Variants in DIXDC1 observed in about 807,000 individuals in gnomAD.
The protein encoded by DIXDC1 is dixin.
A neutral mutation model predicts 103.1 loss-of-function variants in DIXDC1; 64 were observed. That is an observed-to-expected ratio of 0.62 (90% CI 0.51 to 0.76). The LOEUF is 0.76. DIXDC1 is among the 30% of genes least tolerant of loss of function. The probability of loss-of-function intolerance (pLI) is 0.00; values close to 1 mark genes in which losing one functional copy is unlikely to be tolerated. For synonymous variants in DIXDC1, 266 were observed against 298.5 expected, an observed-to-expected ratio of 0.89 and a Z score of 1.12; for missense variants, 759 against 834.2, an observed-to-expected ratio of 0.91 and a Z score of 1.11.
rs372475131 is a variant in DIXDC1 at position 111,938,990 on chromosome 11, T to A, written c.60+1431T>A. On this transcript the variant is annotated intron_variant, in intron 1 of 19. Transcript: ENST00000440460. ...ACACAGAAGAGCCGGGAAGCCTACC[T>A]CTGAGTGATTCCAATATTCTGGTTC... Among the ~76,000 whole-genome samples, 23 of 152,360 alleles carry A rather than the reference T, an allele frequency of 1.5e-4. No homozygotes were observed. In the South Asian group the frequency reaches 4.8e-3, roughly 32 times the overall value.
chr11:111,968,242 C>T (rs1271517206), intron 2 of DIXDC1, among the ~76,000 whole-genome samples: 30 of 152,142 alleles, frequency 2.0e-4, no homozygotes, highest in Admixed American at 1.9e-3. Flanking sequence ...GAGTACTTGC[C>T]ACTCAATAGA....
chr11:111,927,882 G>C (rs1294519035), intron 1 of DIXDC1, among the ~76,000 whole-genome samples: 1 of 151,728 alleles, frequency 6.6e-6, no homozygotes, highest in Non-Finnish European at 1.5e-5. Flanking sequence ...CAGGCATGGT[G>C]GCACGGGCCT....
chr11:112,009,910 T>A (rs1338420643), intron 17 of DIXDC1, among the ~76,000 whole-genome samples: 2 of 152,224 alleles, frequency 1.3e-5, no homozygotes, highest in Admixed American at 1.3e-4. Flanking sequence ...AAGACAGGGA[T>A]GCCCTCTCTC....
intron 2 of DIXDC1, among the ~76,000 whole-genome samples, chr11:111,965,367 A>T (rs1182252698): frequency 1.3e-5 from 2 of 152,226 alleles, no homozygotes; most frequent in African/African-American, 4.8e-5. Flanking sequence ...GAGCAGGCAT[A>T]GTATAATGTT....
At chr11:111,930,849 C>T (rs1302779870) in intron 2 of DIXDC1, among the ~76,000 whole-genome samples, 275 of 116,816 alleles carry the variant, frequency 2.4e-3, no homozygotes, top group African/African-American at 8.5e-3. Context: ...TCTTTCTTTC[C>T]TTTTTTTTTT....
At position 112,017,962 on chromosome 11, in the gene DIXDC1, G is replaced by A; in HGVS notation, c.1971+77G>A. ...TGAAGCCTCCTGTTCAAGCACTAGT[G>A]TCCAGAAGTACATGAGTTCCCTGAC... On this transcript the variant is annotated intron_variant, in intron 19 of 19. Transcript: ENST00000440460. The surrounding 1 kb of genome is among the most constrained non-coding windows in gnomAD (Gnocchi z 4.0). The A allele has an allele frequency of 1.7e-6, 2 of 1,183,792 alleles. No homozygotes were observed. The highest frequency in any genetic ancestry group is 1.4e-5 in the South Asian group (1 of 71,526). The allele number at this position is 1,183,792 out of a possible 1,614,324, so 73.3% of individuals were successfully genotyped here.
At chr11:111,968,664 G>A (rs782098073) in intron 3 of DIXDC1, 26 bp downstream of exon 3, 3 of 1,596,828 alleles carry the variant, frequency 1.9e-6, no homozygotes, top group South Asian at 1.1e-5. Context: ...CATCCTTGGT[G>A]CATGAGTATA....
chr11:112,009,989 G>T (rs1257497329), intron 17 of DIXDC1, among the ~76,000 whole-genome samples: 1 of 152,138 alleles, frequency 6.6e-6, no homozygotes, highest in African/African-American at 2.4e-5. Context: ...GAAATAAAGG[G>T]TATTCAATTT....
At chr11:112,010,218 A>C (rs1238851144) in intron 17 of DIXDC1, among the ~76,000 whole-genome samples, 1 of 152,196 alleles carries the variant, frequency 6.6e-6, no homozygotes, top group East Asian at 1.9e-4. Flanking sequence ...TACGAAGAGA[A>C]TAAAATACCT....
At chr11:111,995,810 C>A (rs1441569614) in intron 16 of DIXDC1, among the ~76,000 whole-genome samples, 1 of 152,184 alleles carries the variant, frequency 6.6e-6, no homozygotes, top group Admixed American at 6.5e-5. Flanking sequence ...TGGCTCTTGA[C>A]CCCACAGGGT....
At chr11:111,930,755 T>A (rs587666330) in intron 2 of DIXDC1, among the ~76,000 whole-genome samples, 1 of 152,046 alleles carries the variant, frequency 6.6e-6, no homozygotes, top group South Asian at 2.1e-4. Flanking sequence ...ATCCCAGGAC[T>A]TTGGGAGGCT....
At position 111,974,143 on chromosome 11, in the gene DIXDC1, G is replaced by A; in HGVS notation, c.437G>A (p.Ser146Asn). 2 of 1,614,022 alleles carry A rather than the reference G, an allele frequency of 1.2e-6. No individual in the cohort carries two copies. Among genetic ancestry groups the A allele is most frequent in the Non-Finnish European group, 1.7e-6 (2 of 1,179,894 alleles). The stretch of plus-strand genomic sequence containing the variant: ...CGGGACTCCAGAGCCCCTCTGCAAA[G>A]TCACCGACCACACTGTGCCACTGCT... ...QGRDSRAPLQSHRPHCATAVA... is the reference protein window; with the variant it reads ...QGRDSRAPLQNHRPHCATAVA... Residue 146 changes from serine (S) to asparagine (N), a missense_variant, in exon 4 of 20, where the codon AGT (serine) becomes AAT (asparagine). Transcript: ENST00000440460.
At chr11:112,011,277 T>G (rs1330107875) in intron 17 of DIXDC1, among the ~76,000 whole-genome samples, 3 of 152,100 alleles carry the variant, frequency 2.0e-5, no homozygotes, top group Non-Finnish European at 4.4e-5. Context: ...CCAGTTAGAG[T>G]GGCGATCATT....
At chr11:112,006,492 C>T (rs1861242272) in intron 17 of DIXDC1, among the ~76,000 whole-genome samples, 1 of 152,224 alleles carries the variant, frequency 6.6e-6, no homozygotes, top group South Asian at 2.1e-4. Context: ...TCAAGTGGGT[C>T]CCTGACCCCT....
rs146608365 is a variant in DIXDC1 at position 112,016,318 on chromosome 11, T to C, written c.1757-373T>C. ...TTCTATGAGTCACATGAGTATTCTC[T>C]ACTACGGACCTCCAAAACCTAAATA... On this transcript the variant is annotated intron_variant, in intron 17 of 19. Transcript: ENST00000440460. Among the ~76,000 whole-genome samples the C allele has an allele frequency of 2.8e-3, 429 of 152,292 alleles. 6 individuals are homozygous for C. Among genetic ancestry groups the C allele is most frequent in the African/African-American group, 9.6e-3 (399 of 41,554 alleles).
At chr11:111,962,891 T>C (rs1406915628) in intron 1 of DIXDC1, among the ~76,000 whole-genome samples, 1 of 152,178 alleles carries the variant, frequency 6.6e-6, no homozygotes, top group Non-Finnish European at 1.5e-5. Context: ...GACTGCACAA[T>C]GGGAGCAGAC....
At chr11:112,013,738 T>A (rs1457180039) in intron 17 of DIXDC1, among the ~76,000 whole-genome samples, 3 of 152,158 alleles carry the variant, frequency 2.0e-5, no homozygotes, top group African/African-American at 7.2e-5. Flanking sequence ...TATCATCATG[T>A]GTCAGATTGT....
intron 5 of DIXDC1, chr11:111,975,914 T>G (rs1287797312): frequency 3.3e-5 from 32 of 959,396 alleles, no homozygotes; most frequent in Non-Finnish European, 4.0e-5. Context: ...CTTTTTACCT[T>G]TTTTACATTT....
intron 10 of DIXDC1, among the ~76,000 whole-genome samples, chr11:111,989,360 C>A (rs2137570441): frequency 6.6e-6 from 1 of 152,158 alleles, no homozygotes; most frequent in East Asian, 1.9e-4. Flanking sequence ...CGCGGTGGCT[C>A]ACGCCTGTAA....
Sources: gnomAD v4.1 joint callset for allele counts (sites outside exome capture counted in the v4.1 genomes callset) on GRCh38, gnomAD v4.1.1 for gene constraint, Gnocchi (gnomAD v3.1) non-coding constraint, MANE v1.5 for transcripts, NCBI Gene and HGNC (gene_info 2026-07-23, HGNC 2026-07-21) for gene names.